The following PPP2R1B variants were observed in gnomAD, a reference collection of about 807,000 sequenced individuals.
PPP2R1B encodes serine/threonine-protein phosphatase 2A 65 kDa regulatory subunit A beta isoform.
In PPP2R1B, 58 loss-of-function variants were observed where a neutral mutation model predicts 72.7. The ratio of observed to expected loss-of-function variants is 0.80; its 90% CI spans 0.65 to 0.99. The LOEUF is 0.99. PPP2R1B is among the 50% of genes least tolerant of loss of function. PPP2R1B has a pLI of 0.00. For missense variants in PPP2R1B, 695 were observed against 733.6 expected, an observed-to-expected ratio of 0.95 and a Z score of 0.61; for synonymous variants, 256 against 264.6, an observed-to-expected ratio of 0.97 and a Z score of 0.32.
the PPP2R1B span, among the ~76,000 whole-genome samples, chr11:111,712,853 A>G: frequency 1.6e-3 from 247 of 152,282 alleles, 1 homozygote; most frequent in African/African-American, 5.4e-3. Context: ...TTTTTGTCCA[A>G]TTTGGAAATG....
the PPP2R1B span, among the ~76,000 whole-genome samples, chr11:111,718,233 GT>G: frequency 6.6e-6 from 1 of 152,302 alleles, no homozygotes; most frequent in East Asian, 1.9e-4. Context: ...TTCTTGGCTA[GT>G]TTTAGAAAAT....
At chr11:111,757,982 C>T (rs1330644981) in intron 5 of PPP2R1B, among the ~76,000 whole-genome samples, 2 of 152,114 alleles carry the variant, frequency 1.3e-5, no homozygotes, top group Non-Finnish European at 2.9e-5. Context: ...ATCTTGATTC[C>T]TCTCCCACTG....
intron 15 of PPP2R1B, chr11:111,729,309 C>G (rs563663408): frequency 6.6e-6 from 1 of 152,278 alleles, no homozygotes; most frequent in African/African-American, 2.4e-5. Context: ...CTCGCAGACC[C>G]ACCCAGGGAG....
At chr11:111,721,953 C>T (rs1407052489), downstream of PPP2R1B, 8 of 1,551,106 alleles carry the variant, frequency 5.2e-6, no homozygotes, top group Non-Finnish European at 7.0e-6. Flanking sequence ...GGGTCCTTCT[C>T]CTTGCGAGTC....
At chr11:111,760,019 C>G in intron 4 of PPP2R1B, 68 bp from the exon 5 acceptor site, 4 of 1,487,750 alleles carry the variant, frequency 2.7e-6, no homozygotes, top group Non-Finnish European at 3.7e-6. Flanking sequence ...CCCATACACA[C>G]AGACAGACTT....
the PPP2R1B span, chr11:111,712,162 A>G: frequency 4.6e-6 from 7 of 1,536,820 alleles, no homozygotes; most frequent in Middle Eastern, 3.4e-4. Flanking sequence ...GTGTATTTAT[A>G]GAGAAGGTAT....
chr11:111,720,062 G>T, the PPP2R1B span: 1 of 1,522,882 alleles, frequency 6.6e-7, no homozygotes, highest in South Asian at 1.2e-5. Flanking sequence ...TACTCCAATT[G>T]CCAACAAGTG....
the PPP2R1B span, among the ~76,000 whole-genome samples, chr11:111,713,343 A>C: frequency 1.4e-4 from 21 of 152,348 alleles, no homozygotes; most frequent in East Asian, 9.6e-4. Flanking sequence ...AGAGTGTCAT[A>C]GAAAACACAG....
chr11:111,760,062 A>G (rs1342464664), intron 4 of PPP2R1B, 111 bp from the exon 5 acceptor site: 3 of 1,164,354 alleles, frequency 2.6e-6, no homozygotes, highest in Non-Finnish European at 3.6e-6. Flanking sequence ...ATCAGTGACT[A>G]AGCTTCTACT....
chr11:111,737,665 GC>G (rs1219837099), downstream of PPP2R1B: 36 of 1,576,020 alleles, frequency 2.3e-5, no homozygotes, highest in Middle Eastern at 1.7e-4. Flanking sequence ...CCTCAGTTGT[GC>G]CAGCAGAGTT....
chr11:111,702,670 A>AGTGAAGAGCATCC, the PPP2R1B span, among the ~76,000 whole-genome samples: 4 of 152,204 alleles, frequency 2.6e-5, no homozygotes, highest in Non-Finnish European at 5.9e-5. Flanking sequence ...GAAGAGCATC[A>AGTGAAGAGCATCC]TGTCAGCTCA....
At chr11:111,704,972 TG>T in the PPP2R1B span, 1 of 1,595,178 alleles carries the variant, frequency 6.3e-7, no homozygotes, top group African/African-American at 1.4e-5. Context: ...CTTTACCACT[TG>T]TTTTTTATTT....
At chr11:111,707,414 T>C in the PPP2R1B span, among the ~76,000 whole-genome samples, 2 of 152,242 alleles carry the variant, frequency 1.3e-5, no homozygotes, top group Non-Finnish European at 1.5e-5. Flanking sequence ...TGACTTCTTA[T>C]GTTCGATAAT....
the PPP2R1B span, among the ~76,000 whole-genome samples, chr11:111,707,301 T>C: frequency 2.0e-5 from 3 of 152,228 alleles, no homozygotes; most frequent in Non-Finnish European, 4.4e-5. Flanking sequence ...AGCACGTGCA[T>C]GTGTTATTGT....
chr11:111,766,102 G>A (rs1945525375), intron 1 of PPP2R1B, 146 bp downstream of exon 1: 2 of 757,500 alleles, frequency 2.6e-6, no homozygotes, highest in South Asian at 1.7e-5. Flanking sequence ...GCCCCTCGCG[G>A]AGCATTCCCC....
In PPP2R1B at chr11:111,739,068, G is replaced by A. The variant is rs1190409681; in HGVS notation, c.*2528C>T. 1.0e-6 allele frequency: 1 copy of A among 985,332 alleles called. No individual in the cohort carries two copies. The highest frequency in any genetic ancestry group is 1.7e-5 in the African/African-American group (1 of 57,238). 61.0% of individuals were successfully genotyped at this position (985,332 alleles called of 1,614,324 possible). A position where few individuals can be genotyped will look rare whatever the true frequency, so the allele number is the denominator to read the frequency against. On this transcript the variant is annotated 3_prime_UTR_variant, in exon 15 of 15. Transcript: ENST00000527614. ...ACCAGAAAAGGGCCACATAAAGCTTGTTTCCTGAAAGCAGGAAAATCTTTC... is the reference window on the plus strand; with the variant it reads ...ACCAGAAAAGGGCCACATAAAGCTTATTTCCTGAAAGCAGGAAAATCTTTC...
In PPP2R1B at chr11:111,743,668, AT is replaced by A. The variant is rs567394221; in HGVS notation, c.1400-139del. The A allele has an allele frequency of 1.9e-5, 20 of 1,057,334 alleles. No individual in the cohort carries two copies. In the African/African-American group the frequency reaches 3.2e-4, roughly 17 times the overall value. The allele number at this position is 1,057,334 out of a possible 1,614,324, so 65.5% of individuals were successfully genotyped here. On this transcript the variant is annotated intron_variant, in intron 11 of 14. Transcript: ENST00000527614. ...AGACTCCACATGTAATCATGCTGCA[AT>A]GACAAGCATGCTCAGCTCCAACTCA...
chr11:111,729,364 A>C (rs1451790748), intron 15 of PPP2R1B: 1 of 152,256 alleles, frequency 6.6e-6, no homozygotes, highest in Non-Finnish European at 1.5e-5. Flanking sequence ...CCCACCCACA[A>C]GGGAGCAATA....
intron 3 of PPP2R1B, among the ~76,000 whole-genome samples, chr11:111,761,721 G>T (rs1481388450): frequency 6.6e-6 from 1 of 152,212 alleles, no homozygotes; most frequent in Non-Finnish European, 1.5e-5. Context: ...GCCGTCGGGA[G>T]GCCGAGGTGG....
Sources: gnomAD v4.1 joint callset for allele counts (sites outside exome capture counted in the v4.1 genomes callset) on GRCh38, gnomAD v4.1.1 for gene constraint, MANE v1.5 for transcripts, NCBI Gene and HGNC (gene_info 2026-07-23, HGNC 2026-07-21) for gene names.